PPARGC1A: variants seen among roughly 807,000 people sequenced by gnomAD.
PPARGC1A encodes the protein PPARG coactivator 1 alpha, also known as peroxisome proliferator-activated receptor gamma coactivator 1-alpha.
A neutral mutation model predicts 88.7 loss-of-function variants in PPARGC1A; 25 were observed. The observed-to-expected ratio is 0.28, with a 90% CI of 0.21 to 0.39. PPARGC1A has a LOEUF of 0.39. Among genes scored for constraint, PPARGC1A ranks in the 10% least tolerant of loss-of-function variants. The probability of loss-of-function intolerance (pLI) is 1.00; values close to 1 mark genes in which losing one functional copy is unlikely to be tolerated. For synonymous variants in PPARGC1A, 363 were observed against 355.6 expected (o/e 1.02, Z -0.24); for missense variants, 880 against 968.7 (o/e 0.91, Z 1.22).
chr4:24,092,855 C>G, the PPARGC1A span, among the ~76,000 whole-genome samples: 1 of 152,222 alleles, frequency 6.6e-6, no homozygotes. Flanking sequence ...GGTCACTTCT[C>G]CATTCTGGTT....
At chr4:24,096,196 C>T in the PPARGC1A span, among the ~76,000 whole-genome samples, 15 of 152,294 alleles carry the variant, frequency 9.8e-5, no homozygotes, top group East Asian at 1.7e-3. Flanking sequence ...GCGAAGAAGG[C>T]GCTTGCTTCC....
At chr4:24,211,291 A>G in the PPARGC1A span, among the ~76,000 whole-genome samples, 1 of 152,296 alleles carries the variant, frequency 6.6e-6, no homozygotes, top group South Asian at 2.1e-4. Context: ...ATAAGTTACA[A>G]AGACAGTTCT....
At chr4:24,026,902 G>T in the PPARGC1A span, among the ~76,000 whole-genome samples, 17 of 152,178 alleles carry the variant, frequency 1.1e-4, no homozygotes, top group Non-Finnish European at 2.1e-4. Flanking sequence ...GCCTTAAATT[G>T]CTCTGTTGGG....
the PPARGC1A span, among the ~76,000 whole-genome samples, chr4:24,104,020 ATT>A: frequency 1.3e-4 from 20 of 152,314 alleles, no homozygotes; most frequent in South Asian, 3.9e-3. Flanking sequence ...TGGCCCCTAT[ATT>A]TAGCTCTCCT....
chr4:24,166,575 G>A, the PPARGC1A span, among the ~76,000 whole-genome samples: 1 of 152,208 alleles, frequency 6.6e-6, no homozygotes, highest in Admixed American at 6.5e-5. Flanking sequence ...TGAAGCCAAT[G>A]CTCATTTACC....
At chr4:23,809,942 C>T (rs1261765594) in intron 10 of PPARGC1A, among the ~76,000 whole-genome samples, 1 of 152,142 alleles carries the variant, frequency 6.6e-6, no homozygotes, top group African/African-American at 2.4e-5. Flanking sequence ...CACAGATGCA[C>T]CCCTTATAAT....
chr4:23,814,138 T>C lies in PPARGC1A; in HGVS notation c.1345A>G (p.Thr449Ala), dbSNP rs781365309. The change falls in exon 8 of 13, where the codon ACA (threonine) becomes GCA (alanine). Residue 449 changes from threonine to alanine, a missense_variant. Physicochemically the swap from Thr to Ala is moderately conservative, Grantham distance 58 (BLOSUM62 0). Coordinates refer to ENST00000264867, the MANE Select transcript of PPARGC1A (RefSeq NM_013261.5). ...EASKQVSPCS[T>A]RKQLQDQEIR... The stretch of plus-strand genomic sequence containing the variant: ...TCCTGGTCTTGGAGCTGTTTTCTTG[T>C]GCTGCAAGGAGAGACCTGCTTGCTT... 53 of 1,614,008 alleles carry C rather than the reference T, an allele frequency of 3.3e-5. No individual in the cohort carries two copies. The highest frequency in any genetic ancestry group is 4.5e-5 in the Non-Finnish European group (53 of 1,180,016).
the PPARGC1A span, among the ~76,000 whole-genome samples, chr4:24,436,860 G>A: frequency 1.3e-5 from 2 of 151,624 alleles, no homozygotes; most frequent in Admixed American, 6.6e-5. Context: ...CAGAGCCCAG[G>A]TCACAGAGCT....
At chr4:24,402,257 G>C in the PPARGC1A span, among the ~76,000 whole-genome samples, 1 of 152,170 alleles carries the variant, frequency 6.6e-6, no homozygotes, top group Non-Finnish European at 1.5e-5. Context: ...ATACTCCTCA[G>C]GGTTCTTGGA....
At chr4:24,420,037 C>T in the PPARGC1A span, among the ~76,000 whole-genome samples, 1 of 152,140 alleles carries the variant, frequency 6.6e-6, no homozygotes, top group East Asian at 1.9e-4. Context: ...TTCTCTTTTC[C>T]ATAAACAGTT....
At chr4:23,928,527 G>T in the PPARGC1A span, among the ~76,000 whole-genome samples, 1 of 152,154 alleles carries the variant, frequency 6.6e-6, no homozygotes, top group Non-Finnish European at 1.5e-5. Flanking sequence ...CCACCATTGT[G>T]GAAGACAGGG....
chr4:23,835,541 C>T (rs1725864154), intron 2 of PPARGC1A, among the ~76,000 whole-genome samples: 1 of 149,070 alleles, frequency 6.7e-6, no homozygotes, highest in Non-Finnish European at 1.5e-5. Context: ...TACTATTCAA[C>T]CAGTATCTAC....
chr4:24,245,654 C>T, the PPARGC1A span, among the ~76,000 whole-genome samples: 11 of 152,182 alleles, frequency 7.2e-5, no homozygotes, highest in African/African-American at 2.7e-4. Flanking sequence ...AACCTGCCAG[C>T]TTGCATAGAC....
chr4:24,395,103 T>C, the PPARGC1A span, among the ~76,000 whole-genome samples: 1 of 152,184 alleles, frequency 6.6e-6, no homozygotes, highest in African/African-American at 2.4e-5. Flanking sequence ...CTGTGGCACC[T>C]TAGACGAATA....
chr4:24,437,389 A>G, the PPARGC1A span, among the ~76,000 whole-genome samples: 21 of 152,270 alleles, frequency 1.4e-4, no homozygotes, highest in African/African-American at 4.8e-4. Flanking sequence ...AAGGGCAGAC[A>G]TGAGCCAGCT....
At chr4:24,151,696 C>T in the PPARGC1A span, among the ~76,000 whole-genome samples, 3 of 152,238 alleles carry the variant, frequency 2.0e-5, no homozygotes, top group Non-Finnish European at 4.4e-5. Context: ...CCCTATCCTA[C>T]AGATGGGGAC....
chr4:24,379,971 T>G, the PPARGC1A span, among the ~76,000 whole-genome samples: 3 of 151,992 alleles, frequency 2.0e-5, no homozygotes, highest in African/African-American at 7.2e-5. Flanking sequence ...AAAGACAGGG[T>G]TTCACCATGT....
At chr4:23,823,665 CTA>C (rs1240180296) in intron 7 of PPARGC1A, among the ~76,000 whole-genome samples, 2 of 152,024 alleles carry the variant, frequency 1.3e-5, no homozygotes, top group Admixed American at 6.6e-5. Flanking sequence ...AGATTTGTGT[CTA>C]TGTGTGCATG....
the PPARGC1A span, among the ~76,000 whole-genome samples, chr4:24,069,976 C>A: frequency 6.6e-6 from 1 of 152,148 alleles, no homozygotes; most frequent in African/African-American, 2.4e-5. Context: ...TGGCTTTGAG[C>A]TATAGTTCTA....
Sources: allele counts gnomAD v4.1 joint callset (sites outside exome capture counted in the v4.1 genomes callset), GRCh38; gene constraint gnomAD v4.1.1; transcripts MANE v1.5; gene names NCBI Gene and HGNC (gene_info 2026-07-23, HGNC 2026-07-21).